Variants in LSP1 observed in about 807,000 individuals in gnomAD.
The protein encoded by LSP1 is lymphocyte-specific protein 1.
In LSP1, 32 loss-of-function variants were observed where a neutral mutation model predicts 49.3. The observed-to-expected ratio is 0.65, with a 90% CI of 0.49 to 0.87. LSP1 has a LOEUF of 0.87. Ranked by LOEUF, LSP1 falls within the 40% of genes least tolerant of loss-of-function variation. The probability of loss-of-function intolerance (pLI) is 0.00; values close to 1 mark genes in which losing one functional copy is unlikely to be tolerated. For synonymous variants in LSP1, 179 were observed against 178.8 expected, an observed-to-expected ratio of 1.00 and a Z score of -0.01; for missense variants, 428 against 442.6, an observed-to-expected ratio of 0.97 and a Z score of 0.30.
chr11:1,880,615 C>A, intron 2 of LSP1: 1 of 197,548 alleles, frequency 5.1e-6, no homozygotes, highest in Non-Finnish European at 1.0e-5. Context: ...AGGAGGCCTC[C>A]GCGGCTGGGC....
In LSP1 at chr11:1,880,213, G is replaced by T; in HGVS notation, c.180G>T (p.Lys60Asn). The change falls in exon 2 of 11, where the codon AAG (lysine) becomes AAT (asparagine). Residue 60 changes from lysine to asparagine, a missense_variant. By Grantham distance (94) the Lys-to-Asn change is moderately conservative. Coordinates refer to ENST00000311604, the MANE Select transcript of LSP1 (RefSeq NM_002339.3). ...EGGGHVPERP[K>N]QEMLLSLKPS... ...GCGGCCATGTCCCCGAGCGGCCGAA[G>T]CAGGAGATGCTGTGAGCAGCCCCAT... The T allele has an allele frequency of 6.3e-7, 1 of 1,596,872 alleles. No individual in the cohort carries two copies. Among genetic ancestry groups the T allele is most frequent in the African/African-American group, 1.3e-5 (1 of 74,196 alleles).
At chr11:1,868,293 G>A (rs532914828) in intron 1 of LSP1, among the ~76,000 whole-genome samples, 8 of 152,310 alleles carry the variant, frequency 5.3e-5, no homozygotes, top group East Asian at 3.9e-4. Context: ...CCTGGCAGAC[G>A]TTCTTATCAA....
intron 10 of LSP1, among the ~76,000 whole-genome samples, chr11:1,888,252 T>C (rs538899042): frequency 8.2e-4 from 125 of 152,310 alleles, no homozygotes; most frequent in African/African-American, 2.5e-3. Context: ...TCTCCTGTGG[T>C]TGGCCACCCC....
chr11:1,881,244 C>T (rs923412216), intron 2 of LSP1, 188 bp from the exon 3 acceptor site: 12 of 558,604 alleles, frequency 2.1e-5, no homozygotes, highest in South Asian at 1.9e-4. Context: ...CCAGAACTGA[C>T]GGGGGAGGCA....
chr11:1,884,570 C>A lies in LSP1; in HGVS notation c.706C>A (p.Gln236Lys). ...KIDQWLEQYT[Q>K]AIETAGRTPK... is the part of the protein sequence containing the mutation. ...TGATCAGTGGCTGGAACAATACACC[C>A]AGGCCATCGAGGTATGACCTGGCTC... Residue 236 changes from glutamine (Q) to lysine (K), a missense_variant, in exon 7 of 11, where the codon CAG becomes AAG. By Grantham distance (53) the Gln-to-Lys change is moderately conservative (BLOSUM62 1). Transcript: ENST00000311604. The surrounding 1 kb of genome is among the most constrained non-coding windows in gnomAD (Gnocchi z 4.1). The A allele has an allele frequency of 6.2e-7, 1 of 1,613,846 alleles. No homozygotes were observed.
chr11:1,876,371 A>G, intron 1 of LSP1: 1 of 870,470 alleles, frequency 1.1e-6, no homozygotes, highest in Non-Finnish European at 1.4e-6. Flanking sequence ...CCAGCTCCCC[A>G]GGCCTCCTGC....
At chr11:1,881,279 C>T in intron 2 of LSP1, 153 bp from the exon 3 acceptor site, 1 of 715,782 alleles carries the variant, frequency 1.4e-6, no homozygotes, top group Non-Finnish European at 2.2e-6. Context: ...GGTATTCTGA[C>T]CACAGGAGAC....
chr11:1,859,159 CCA>C (rs1847559708), intron 1 of LSP1, among the ~76,000 whole-genome samples: 2 of 152,276 alleles, frequency 1.3e-5, no homozygotes, highest in African/African-American at 4.8e-5. Context: ...TCCTGGGTTC[CCA>C]GTTTCCCTGG....
intron 1 of LSP1, among the ~76,000 whole-genome samples, chr11:1,877,476 A>T (rs1848360255): frequency 1.3e-5 from 2 of 152,074 alleles, no homozygotes; most frequent in South Asian, 4.1e-4. Context: ...GCTCAGTCGG[A>T]GTGATCCTCC....
intron 1 of LSP1, among the ~76,000 whole-genome samples, chr11:1,857,927 G>C (rs1168386786): frequency 6.6e-6 from 1 of 152,108 alleles, no homozygotes; most frequent in Non-Finnish European, 1.5e-5. Flanking sequence ...GCTAATTTTT[G>C]TATTTTTAGT....
intron 1 of LSP1, chr11:1,869,616 G>T (rs1371767823): frequency 4.3e-6 from 2 of 470,422 alleles, no homozygotes. Context: ...CAGGTGCCGG[G>T]GCAGAAGGCT....
At position 1,879,315 on chromosome 11, in the gene LSP1, A is replaced by AGCCTGGAGT. The variant is rs1193413472; in HGVS notation, c.54-766_54-765insAGTGCCTGG. On this transcript the variant is annotated intron_variant, in intron 1 of 10. Coordinates refer to ENST00000311604, the MANE Select transcript of LSP1 (RefSeq NM_002339.3). Reference sequence around the variant, plus strand: ...AGCCCAGATCACACCATTGCACTCCAGCCTGGGCAACAAGAGTGAAACTCC... The same window carrying AGCCTGGAGT: ...AGCCCAGATCACACCATTGCACTCCAGCCTGGAGTGCCTGGGCAACAAGAGTGAAACTCC... 3.9e-5 allele frequency among the ~76,000 whole-genome samples: 6 copies of AGCCTGGAGT among 152,330 alleles called. No homozygotes were observed. In the East Asian group the frequency reaches 1.2e-3, roughly 29 times the overall value.
intron 1 of LSP1, chr11:1,870,942 G>A: frequency 1.0e-6 from 1 of 985,882 alleles, no homozygotes; most frequent in Non-Finnish European, 1.2e-6. Context: ...TCGAGCAAAG[G>A]CGGGAGGCGC....
intron 2 of LSP1, among the ~76,000 whole-genome samples, 156 bp downstream of exon 2, chr11:1,880,380 G>T (rs941077315): frequency 6.6e-6 from 1 of 152,092 alleles, no homozygotes; most frequent in Non-Finnish European, 1.5e-5. Context: ...GTGGGTGAGT[G>T]CTCCTGGGGC....
At chr11:1,860,145 C>T (rs1002522697) in intron 1 of LSP1, among the ~76,000 whole-genome samples, 1 of 151,790 alleles carries the variant, frequency 6.6e-6, no homozygotes, top group Non-Finnish European at 1.5e-5. Context: ...GTCTTAGTTG[C>T]ATAAGAAAGG....
rs772062445 is a variant in LSP1, at chr11:1,880,244, G to A, written c.191+20G>A. ...GATGCTGTGAGCAGCCCCATAACGC[G>A]TGCCTGGGCTCTAGCCCCTATCCGT... On this transcript the variant is annotated intron_variant, in intron 2 of 10. Coordinates refer to ENST00000311604, the MANE Select transcript of LSP1 (RefSeq NM_002339.3). 50 of 1,562,546 alleles carry A rather than the reference G, an allele frequency of 3.2e-5. No individual in the cohort carries two copies. The highest frequency in any genetic ancestry group is 4.7e-5 in the East Asian group (2 of 42,362).
At chr11:1,856,505 A>G (rs1847493660) in intron 1 of LSP1, among the ~76,000 whole-genome samples, 1 of 152,224 alleles carries the variant, frequency 6.6e-6, no homozygotes, top group African/African-American at 2.4e-5. Context: ...CCTGCCATGG[A>G]CAGGGCCAGT....
At position 1,871,126 on chromosome 11, in the gene LSP1, C is replaced by A. The variant is rs534576916; in HGVS notation, c.54-8961C>A. 2.2e-5 allele frequency: 22 copies of A among 985,542 alleles called. 1 individual carries two copies. In the South Asian group the frequency reaches 3.3e-4, roughly 15 times the overall value. 61.0% of individuals were successfully genotyped at this position (985,542 alleles called of 1,614,324 possible). ...GAAAGGTCCCGCAGGTCGCCTCGCT[C>A]GTGGCACGGGCTCGGCAGCGTTGTG... is the stretch of plus-strand genomic sequence containing the variant. On this transcript the variant is annotated intron_variant, in intron 1 of 10. Coordinates refer to ENST00000311604, the MANE Select transcript of LSP1 (RefSeq NM_002339.3).
At position 1,891,965 on chromosome 11, in the gene LSP1, T is replaced by A. The variant is rs1218005401; in HGVS notation, c.*206T>A. The A allele has an allele frequency of 6.6e-6, 1 of 151,760 alleles. No individual in the cohort carries two copies. The highest frequency in any genetic ancestry group is 2.4e-5 in the African/African-American group (1 of 41,180). 9.4% of individuals were successfully genotyped at this position (151,760 alleles called of 1,614,324 possible). On this transcript the variant is annotated 3_prime_UTR_variant, in exon 11 of 11. Transcript: ENST00000311604. ...CCCTTTAGCCTCTCTGCCCTTCCACTCTCTGACCACCGCCCCCGCCCTCCC... is the reference window on the plus strand; with the variant it reads ...CCCTTTAGCCTCTCTGCCCTTCCACACTCTGACCACCGCCCCCGCCCTCCC...
Sources: allele counts gnomAD v4.1 joint callset (sites outside exome capture counted in the v4.1 genomes callset), GRCh38; gene constraint gnomAD v4.1.1; non-coding constraint Gnocchi (gnomAD v3.1); transcripts MANE v1.5; gene names NCBI Gene and HGNC (gene_info 2026-07-23, HGNC 2026-07-21).